DLD: variants seen among roughly 807,000 people sequenced by gnomAD.
DLD encodes dihydrolipoyl dehydrogenase, mitochondrial.
Under a neutral mutation model 62.2 loss-of-function variants are expected in DLD, and 36 were observed. The ratio of observed to expected loss-of-function variants is 0.58; its 90% CI spans 0.44 to 0.76. The LOEUF (loss-of-function observed/expected upper bound fraction) is 0.76, where lower values mean the gene tolerates loss of function less well. DLD is among the 30% of genes least tolerant of loss of function. The pLI is 0.00. For synonymous variants in DLD, 204 were observed against 199.6 expected, an observed-to-expected ratio of 1.02 and a Z score of -0.19; for missense variants, 541 against 608.6, an observed-to-expected ratio of 0.89 and a Z score of 1.17.
At chr7:107,915,972 A>G (rs1483959113) in intron 9 of DLD, among the ~76,000 whole-genome samples, 1 of 152,178 alleles carries the variant, frequency 6.6e-6, no homozygotes, top group African/African-American at 2.4e-5. Context: ...AATTGAATCA[A>G]TATTTTTAGG....
At chr7:107,917,058 TG>T in intron 10 of DLD, 94 bp downstream of exon 10, 1 of 1,337,846 alleles carries the variant, frequency 7.5e-7, no homozygotes, top group African/African-American at 1.5e-5. Flanking sequence ...AAATATGTAT[TG>T]GCTTTGGGGA....
intron 12 of DLD, among the ~76,000 whole-genome samples, chr7:107,918,791 G>GTCC (rs2032331742): frequency 6.6e-6 from 1 of 152,206 alleles, no homozygotes; most frequent in African/African-American, 2.4e-5. Context: ...AATGGTTAAG[G>GTCC]TAGTAAGTGG....
At chr7:107,894,983 T>C (rs547853186) in intron 2 of DLD, among the ~76,000 whole-genome samples, 123 of 152,354 alleles carry the variant, frequency 8.1e-4, no homozygotes, top group African/African-American at 2.8e-3. Flanking sequence ...AGGTAATCAG[T>C]ACATATTTAT....
In DLD at chr7:107,903,566, C is replaced by T. The variant is rs751168608; in HGVS notation, c.337+19C>T. 6.8e-7 allele frequency: 1 copy of T among 1,473,070 alleles called. No homozygotes were observed. The highest frequency in any genetic ancestry group is 1.7e-5 in the Admixed American group (1 of 59,596). 91.2% of individuals were successfully genotyped at this position (1,473,070 alleles called of 1,614,324 possible). On this transcript the variant is annotated intron_variant, in intron 5 of 13. Coordinates refer to ENST00000205402, the MANE Select transcript of DLD (RefSeq NM_000108.5). ...ATTGAAAGTAAGTATACTTTTCATG[C>T]TTAATGATATTACCAGACTGCTTGA...
chr7:107,902,283 T>C (rs960761238), intron 3 of DLD, 42 bp from the exon 4 acceptor site: 4 of 1,535,554 alleles, frequency 2.6e-6, no homozygotes, highest in African/African-American at 1.4e-5. Flanking sequence ...ATCTGAAACA[T>C]TGAGGTTATG....
rs561189961 is a variant in DLD at position 107,898,529 on chromosome 7, C to T, written c.119-3209C>T. ...CTCCTGACCTCAGGTGATCCACCTG[C>T]CTCGGCCTCCCAAAGTGCTGGAATT... is the stretch of plus-strand genomic sequence containing the variant. On this transcript the variant is annotated intron_variant, in intron 2 of 13. Coordinates refer to ENST00000205402, the MANE Select transcript of DLD (RefSeq NM_000108.5). Among the ~76,000 whole-genome samples, 6 of 152,024 alleles carry T rather than the reference C, an allele frequency of 3.9e-5. No homozygotes were observed. In the South Asian group the frequency reaches 1.2e-3, roughly 32 times the overall value.
intron 8 of DLD, among the ~76,000 whole-genome samples, chr7:107,912,495 T>C (rs1269244088): frequency 6.6e-6 from 1 of 152,166 alleles, no homozygotes; most frequent in Non-Finnish European, 1.5e-5. Context: ...GCATTTGTTA[T>C]TGCGATCTTT....
chr7:107,907,838 C>T (rs1367881980), intron 8 of DLD, among the ~76,000 whole-genome samples: 1 of 152,190 alleles, frequency 6.6e-6, no homozygotes, highest in East Asian at 1.9e-4. Flanking sequence ...CGCACTTTTC[C>T]TTCAAAACCC....
At chr7:107,902,419 G>T in intron 4 of DLD, 26 bp downstream of exon 4, 1 of 1,609,770 alleles carries the variant, frequency 6.2e-7, no homozygotes, top group Non-Finnish European at 8.5e-7. Context: ...GTACAGCACA[G>T]AGATTGTTTT....
chr7:107,893,508 A>G lies in DLD; in HGVS notation c.118+230A>G, dbSNP rs185297241. 5.3e-3 allele frequency: 2,072 copies of G among 393,082 alleles called. 15 individuals carry two copies. The highest frequency in any genetic ancestry group is 5.5e-3 in the Non-Finnish European group (1,213 of 219,004). 24.3% of individuals were successfully genotyped at this position (393,082 alleles called of 1,614,324 possible). A position where few individuals can be genotyped will look rare whatever the true frequency, so the allele number is the denominator to read the frequency against. On this transcript the variant is annotated intron_variant, in intron 2 of 13. Transcript: ENST00000205402. ...GTAATTTGGTGATAAAAGACAAACAATATATAAGTAATGGATAAATATTTT... is the reference window on the plus strand; with the variant it reads ...GTAATTTGGTGATAAAAGACAAACAGTATATAAGTAATGGATAAATATTTT...
At chr7:107,908,052 A>G (rs940663291) in intron 8 of DLD, among the ~76,000 whole-genome samples, 6 of 152,058 alleles carry the variant, frequency 3.9e-5, no homozygotes, top group Admixed American at 3.9e-4. Context: ...CTGTGATTTC[A>G]TATTCTTCCA....
chr7:107,903,628 C>T (rs552726220), intron 5 of DLD, 81 bp downstream of exon 5: 121 of 763,564 alleles, frequency 1.6e-4, no homozygotes, highest in Non-Finnish European at 2.5e-4. Flanking sequence ...ATGTGTCTAA[C>T]GTACGCATAA....
intron 10 of DLD, 31 bp downstream of exon 10, chr7:107,916,995 A>G: frequency 1.2e-6 from 2 of 1,604,726 alleles, no homozygotes; most frequent in Non-Finnish European, 1.7e-6. Flanking sequence ...CATTTTCAGT[A>G]ATTTTAAAAT....
At chr7:107,918,637 G>C (rs958025844) in intron 12 of DLD, among the ~76,000 whole-genome samples, 1 of 152,136 alleles carries the variant, frequency 6.6e-6, no homozygotes. Flanking sequence ...GATATCTCTT[G>C]TATCTGATGT....
intron 7 of DLD, 85 bp downstream of exon 7, chr7:107,905,589 G>T (rs1356838480): frequency 6.9e-7 from 1 of 1,439,486 alleles, no homozygotes; most frequent in East Asian, 2.3e-5. Flanking sequence ...TGTGAACTTT[G>T]AGAGATTTCT....
intron 2 of DLD, among the ~76,000 whole-genome samples, chr7:107,901,397 A>T (rs922872627): frequency 6.6e-6 from 1 of 152,182 alleles, no homozygotes; most frequent in Non-Finnish European, 1.5e-5. Flanking sequence ...TGCTTCATAC[A>T]TACTTGTCTT....
chr7:107,901,873 C>A, intron 3 of DLD, 56 bp downstream of exon 3: 2 of 1,448,572 alleles, frequency 1.4e-6, no homozygotes, highest in South Asian at 1.1e-5. Flanking sequence ...AAGGGTTGAT[C>A]ATATTTATAA....
chr7:107,891,408 C>T (rs1195911338), intron 1 of DLD, 119 bp downstream of exon 1: 10 of 1,130,078 alleles, frequency 8.8e-6, no homozygotes, highest in African/African-American at 1.5e-5. Flanking sequence ...GGCCGCACCA[C>T]CCCTGGCCCC....
In DLD at chr7:107,902,722, T is replaced by C. The variant is rs1192919415; in HGVS notation, c.267+329T>C. ...AGATAATAGATAGTAAATTGTTCTT[T>C]TAGGTCCTTTTTGTATGTAAACATG... On this transcript the variant is annotated intron_variant, in intron 4 of 13. Transcript: ENST00000205402. Among the ~76,000 whole-genome samples the C allele has an allele frequency of 2.6e-5, 4 of 152,224 alleles. No individual in the cohort carries two copies. The East Asian group carries it at 7.7e-4, about 29-fold the overall frequency.
Sources: allele counts gnomAD v4.1 joint callset (sites outside exome capture counted in the v4.1 genomes callset), GRCh38; gene constraint gnomAD v4.1.1; transcripts MANE v1.5; gene names NCBI Gene and HGNC (gene_info 2026-07-23, HGNC 2026-07-21).